The following SIRPD variants were observed in gnomAD, a reference collection of about 807,000 sequenced individuals.
The protein encoded by SIRPD is signal regulatory protein delta, also known as signal-regulatory protein delta.
Under a neutral mutation model 18.0 loss-of-function variants are expected in SIRPD, and 21 were observed. That is an observed-to-expected ratio of 1.17 (90% CI 0.83 to 1.68). The LOEUF (loss-of-function observed/expected upper bound fraction) is 1.68, where lower values mean the gene tolerates loss of function less well. Among genes scored for constraint, SIRPD ranks in the 40% most tolerant of loss-of-function variants. The probability of loss-of-function intolerance (pLI) is 0.00; values close to 1 mark genes in which losing one functional copy is unlikely to be tolerated. For synonymous variants in SIRPD, 106 were observed against 92.9 expected, an observed-to-expected ratio of 1.14 and a Z score of -0.81; for missense variants, 295 against 238.4, an observed-to-expected ratio of 1.24 and a Z score of -1.56.
chr20:1,547,564 A>C (rs2090999009), intron 2 of SIRPD, among the ~76,000 whole-genome samples: 1 of 152,208 alleles, frequency 6.6e-6, no homozygotes, highest in Non-Finnish European at 1.5e-5. Flanking sequence ...GCCTGTAGTA[A>C]GTTTTGAAAG....
chr20:1,534,990 T>C (rs1248532444), intron 3 of SIRPD, among the ~76,000 whole-genome samples: 1 of 152,218 alleles, frequency 6.6e-6, no homozygotes, highest in African/African-American at 2.4e-5. Flanking sequence ...AATCATAGTA[T>C]TTACAATATA....
Position 1,550,672 on chromosome 20 carries a change from G to A in SIRPD, c.421+1019C>T, listed in dbSNP as rs569361748. Among the ~76,000 whole-genome samples, 18 of 152,244 alleles carry A rather than the reference G, an allele frequency of 1.2e-4. No individual in the cohort carries two copies. In the East Asian group the frequency reaches 3.1e-3, roughly 26 times the overall value. ...ATTAATGCATTTGATCTTCTTTCTT[G>A]TAAGTAAATGTTCTTCACTAATATA... On this transcript the variant is annotated intron_variant, in intron 2 of 3. Coordinates refer to ENST00000381623, the MANE Select transcript of SIRPD (RefSeq NM_178460.3).
intron 2 of SIRPD, among the ~76,000 whole-genome samples, chr20:1,546,350 C>G (rs1434160165): frequency 6.6e-6 from 1 of 152,144 alleles, no homozygotes; most frequent in African/African-American, 2.4e-5. Flanking sequence ...AATAAGTGAC[C>G]TTTTGTGATT....
intron 2 of SIRPD, chr20:1,540,268 C>T (rs781649043): frequency 8.8e-6 from 4 of 455,886 alleles, no homozygotes; most frequent in Admixed American, 2.4e-5. Context: ...AGGAGCAGTT[C>T]TGCTGATGCC....
intron 2 of SIRPD, chr20:1,540,455 CCA>C (rs1463219172): frequency 5.7e-6 from 2 of 349,436 alleles, no homozygotes; most frequent in African/African-American, 4.4e-5. Context: ...GCAATCATAA[CCA>C]CAGTCATTTT....
chr20:1,537,346 T>G, intron 2 of SIRPD, 36 bp from the exon 3 acceptor site: 3 of 1,594,514 alleles, frequency 1.9e-6, no homozygotes, highest in Non-Finnish European at 2.6e-6. Context: ...TTCCATGATA[T>G]AAGAGGAAGT....
chr20:1,538,858 G>A lies in SIRPD; in HGVS notation c.422-1548C>T, dbSNP rs76079833. Reference sequence around the variant, plus strand: ...CAACTGAGACCCCAGGCAACATATAGCAGAGATAAGTCATTCTTGTACCCT... The same window carrying A: ...CAACTGAGACCCCAGGCAACATATAACAGAGATAAGTCATTCTTGTACCCT... On this transcript the variant is annotated intron_variant, in intron 2 of 3. Transcript: ENST00000381623. Among the ~76,000 whole-genome samples the A allele has an allele frequency of 9.1e-3, 1,393 of 152,280 alleles. 22 individuals carry two copies. Among genetic ancestry groups the A allele is most frequent in the African/African-American group, 0.033 (1,359 of 41,552 alleles).
chr20:1,543,924 T>G (rs192104075), intron 2 of SIRPD, among the ~76,000 whole-genome samples: 2 of 152,220 alleles, frequency 1.3e-5, no homozygotes, highest in South Asian at 2.1e-4. Flanking sequence ...ATGTGCAGTT[T>G]TGAGTGAGTT....
rs776540499 is a variant in SIRPD, at chr20:1,557,687, G to A, written c.-34C>T. The A allele has an allele frequency of 2.5e-6, 4 of 1,605,480 alleles. No homozygotes were observed. The highest frequency in any genetic ancestry group is 3.4e-5 in the Admixed American group (2 of 59,484). On this transcript the variant is annotated 5_prime_UTR_variant, in exon 1 of 4. Coordinates refer to ENST00000381623, the MANE Select transcript of SIRPD (RefSeq NM_178460.3). ...AACCTGGAGCTTGCTCTGCCTGAAT[G>A]CCTGTCCTGGAGATGCCCTCGACTC...
chr20:1,556,438 G>C (rs1865341552), intron 1 of SIRPD, among the ~76,000 whole-genome samples: 1 of 152,166 alleles, frequency 6.6e-6, no homozygotes, highest in African/African-American at 2.4e-5. Flanking sequence ...AACCAACAAA[G>C]AATATATCTA....
At chr20:1,535,417 A>G (rs1195104281) in intron 3 of SIRPD, among the ~76,000 whole-genome samples, 1 of 152,158 alleles carries the variant, frequency 6.6e-6, no homozygotes, top group Admixed American at 6.5e-5. Flanking sequence ...TAGGGTCTTT[A>G]AGAGGTGATT....
intron 3 of SIRPD, among the ~76,000 whole-genome samples, chr20:1,536,897 C>A (rs756215317): frequency 3.9e-5 from 6 of 152,110 alleles, no homozygotes; most frequent in Admixed American, 1.3e-4. Flanking sequence ...GGACTGGGCA[C>A]CCCTGTCATG....
At chr20:1,550,035 C>T (rs1436903937) in intron 2 of SIRPD, among the ~76,000 whole-genome samples, 1 of 152,178 alleles carries the variant, frequency 6.6e-6, no homozygotes, top group Admixed American at 6.6e-5. Flanking sequence ...TCCTATATCT[C>T]CACTCTAACT....
chr20:1,556,781 C>T (rs1296430596), intron 1 of SIRPD, among the ~76,000 whole-genome samples: 1 of 152,246 alleles, frequency 6.6e-6, no homozygotes, highest in Admixed American at 6.5e-5. Flanking sequence ...GATTCAACCT[C>T]ACAGTCCTCA....
chr20:1,537,947 G>A (rs1210144004), intron 2 of SIRPD, among the ~76,000 whole-genome samples: 1 of 152,176 alleles, frequency 6.6e-6, no homozygotes, highest in Non-Finnish European at 1.5e-5. Flanking sequence ...AAACGCAGCT[G>A]GGAGGAGGAG....
intron 2 of SIRPD, among the ~76,000 whole-genome samples, chr20:1,544,365 T>C (rs1174669739): frequency 6.6e-6 from 1 of 151,432 alleles, no homozygotes; most frequent in Non-Finnish European, 1.5e-5. Flanking sequence ...CATTATGCAA[T>C]GCCCTTCTTT....
intron 1 of SIRPD, among the ~76,000 whole-genome samples, chr20:1,556,645 T>A (rs1164377696): frequency 6.6e-6 from 1 of 152,072 alleles, no homozygotes; most frequent in East Asian, 1.9e-4. Flanking sequence ...AAGTGGAAAT[T>A]TGGACACAGA....
At chr20:1,552,388 A>G (rs2091023517) in intron 1 of SIRPD, among the ~76,000 whole-genome samples, 1 of 152,104 alleles carries the variant, frequency 6.6e-6, no homozygotes, top group South Asian at 2.1e-4. Flanking sequence ...TACATTTGGA[A>G]CTGGGTTCAA....
At chr20:1,539,732 C>T (rs1348719414) in intron 2 of SIRPD, among the ~76,000 whole-genome samples, 1 of 147,880 alleles carries the variant, frequency 6.8e-6, no homozygotes, top group African/African-American at 2.5e-5. Flanking sequence ...TCTTCTTCCC[C>T]TCTCTCCTGC....
Sources: gnomAD v4.1 joint callset for allele counts (sites outside exome capture counted in the v4.1 genomes callset) on GRCh38, gnomAD v4.1.1 for gene constraint, MANE v1.5 for transcripts, NCBI Gene and HGNC (gene_info 2026-07-23, HGNC 2026-07-21) for gene names.